Variants in RHCG observed in about 807,000 individuals in gnomAD.
The protein encoded by RHCG is Rh family C glycoprotein, also known as ammonium transporter Rh type C.
RHCG carries 39 observed loss-of-function variants against 55.3 expected under a neutral mutation model. The ratio of observed to expected loss-of-function variants is 0.70; its 90% confidence interval spans 0.55 to 0.92. The LOEUF (loss-of-function observed/expected upper bound fraction) is 0.92. Among genes scored for constraint, RHCG ranks in the 40% least tolerant of loss-of-function variants. The pLI is 0.00. For synonymous variants in RHCG, 250 were observed against 246.8 expected (o/e 1.01, Z -0.12); for missense variants, 635 against 627.9 (o/e 1.01, Z -0.12).
chr15:89,477,446 G>A lies in RHCG; in HGVS notation c.1112+71C>T, dbSNP rs1961172464. 6.3e-7 allele frequency: 1 copy of A among 1,584,122 alleles called. No homozygotes were observed. The highest frequency in any genetic ancestry group is 8.6e-7 in the Non-Finnish European group (1 of 1,162,872). On this transcript the variant is annotated intron_variant, in intron 7 of 10. Transcript: ENST00000268122. This position sits in a 1 kb window ranked among gnomAD's most constrained non-coding sequence, Gnocchi z 4.5. The stretch of plus-strand genomic sequence containing the variant: ...GAGAAAGATGCAGTCGGGTCCCAGA[G>A]GAATAGCAGGAAGAAGGGATGGGAG...
chr15:89,480,195 T>C (rs933447567), intron 4 of RHCG, 66 bp downstream of exon 4: 5 of 1,599,800 alleles, frequency 3.1e-6, no homozygotes, highest in Non-Finnish European at 4.3e-6. Context: ...CCATCATGGC[T>C]GCCTTCACCC....
At chr15:89,479,613 G>A in intron 4 of RHCG, 125 bp from the exon 5 acceptor site, 1 of 861,648 alleles carries the variant, frequency 1.2e-6, no homozygotes, top group South Asian at 1.8e-5. Flanking sequence ...TTCCACCTCT[G>A]CAGCTTTAGT....
chr15:89,486,642 G>GTGTGTGTGTGTGTGTGTGTC, intron 2 of RHCG, 157 bp downstream of exon 2: 1 of 537,738 alleles, frequency 1.9e-6, no homozygotes, highest in Non-Finnish European at 3.5e-6. Context: ...GTGTGTGTGT[G>GTGTGTGTGTGTGTGTGTGTC]TATCTGTCTC....
intron 1 of RHCG, among the ~76,000 whole-genome samples, chr15:89,490,334 CA>C (rs1961451168): frequency 6.6e-6 from 1 of 152,202 alleles, no homozygotes; most frequent in South Asian, 2.1e-4. Flanking sequence ...CACTGAAGGG[CA>C]GGGGTACAAG....
intron 2 of RHCG, chr15:89,486,562 G>C: frequency 1.9e-6 from 1 of 517,760 alleles, no homozygotes; most frequent in Non-Finnish European, 3.6e-6. Context: ...GAGAGAGAGA[G>C]ACAGAGAGAG....
chr15:89,483,263 G>A, intron 2 of RHCG, 46 bp from the exon 3 acceptor site: 1 of 1,460,526 alleles, frequency 6.8e-7, no homozygotes, highest in Admixed American at 2.0e-5. Flanking sequence ...ATAGCAAAAA[G>A]TGGCACTGGA....
chr15:89,486,583 AGAGAGAGAGAGAGAGAGTGT>A (rs1230369924), intron 2 of RHCG, 196 bp downstream of exon 2: 56 of 506,026 alleles, frequency 1.1e-4, no homozygotes, highest in African/African-American at 9.7e-4. Context: ...AGAGAGAGAG[AGAGAGAGAGAGAGAGAGTGT>A]GTGTGTGTGT....
rs1258333815 is a variant in RHCG, at chr15:89,480,423, G to A, written c.523-15C>T. On this transcript the variant is annotated splice_polypyrimidine_tract_variant and intron_variant, in intron 3 of 10. Transcript: ENST00000268122. ...GCATCCTTCACCTGGGGTGCAAGGG[G>A]CCTGTCAGACTCTGGCACCTTCTCT... The A allele has an allele frequency of 1.9e-6, 3 of 1,608,700 alleles. No individual in the cohort carries two copies. Among genetic ancestry groups the A allele is most frequent in the Admixed American group, 1.7e-5 (1 of 59,810 alleles).
At chr15:89,481,594 T>C (rs892491094) in intron 3 of RHCG, among the ~76,000 whole-genome samples, 9 of 152,158 alleles carry the variant, frequency 5.9e-5, no homozygotes, top group African/African-American at 2.2e-4. Context: ...GACAGCACAG[T>C]ATGACAAAGC....
chr15:89,489,043 G>A (rs1370434546), intron 1 of RHCG, among the ~76,000 whole-genome samples: 1 of 152,186 alleles, frequency 6.6e-6, no homozygotes, highest in East Asian at 1.9e-4. Flanking sequence ...GTGCATGTGT[G>A]TATGTGCGTG....
intron 1 of RHCG, 87 bp downstream of exon 1, chr15:89,496,274 C>CGGTG: frequency 7.2e-7 from 1 of 1,396,878 alleles, no homozygotes; most frequent in Admixed American, 1.7e-5. Context: ...TAGATCCCCT[C>CGGTG]CTCTGCCCAG....
rs149510924 is a variant in RHCG at position 89,480,341 on chromosome 15, C to T, written c.590G>A (p.Arg197Gln). Residue 197 changes from arginine (R) to glutamine (Q), a missense_variant, in exon 4 of 11, where the codon CGG becomes CAG. Physicochemically the swap from Arg to Gln is conservative, Grantham distance 43. Coordinates refer to ENST00000268122, the MANE Select transcript of RHCG (RefSeq NM_016321.3). Reference protein sequence around the residue: ...FGAYFGLTVTRILYRRNLEQS... With the variant: ...FGAYFGLTVTQILYRRNLEQS... ...CTCTAGGTTGCGTCGGTAGAGGATC[C>T]GGGTCACTGTGAGCCCAAAGTAGGC... 21 of 1,614,152 alleles carry T rather than the reference C, an allele frequency of 1.3e-5. No individual in the cohort carries two copies. The highest frequency in any genetic ancestry group is 2.2e-5 in the East Asian group (1 of 44,878).
Position 89,486,921 on chromosome 15 carries a change from G to T in RHCG, c.249C>A (p.Arg83=). The part of the protein sequence containing the change: ...GFGFLMTFLQ[R]YGFSAVGFNF... ...TGAAGCCCACGGCGCTGAAGCCGTA[G>T]CGCTGCAGGAAAGTCATGAGGAAGC... The change falls in exon 2 of 11, where the codon CGC becomes CGA. Residue 83 remains arginine (R), a synonymous_variant. Transcript: ENST00000268122. 6.2e-7 allele frequency: 1 copy of T among 1,612,748 alleles called. No individual in the cohort carries two copies. The highest frequency in any genetic ancestry group is 8.5e-7 in the Non-Finnish European group (1 of 1,178,972).
At chr15:89,487,354 G>A (rs920522175) in intron 1 of RHCG, among the ~76,000 whole-genome samples, 9 of 152,228 alleles carry the variant, frequency 5.9e-5, no homozygotes, top group African/African-American at 2.2e-4. Context: ...CTCCCTGGGT[G>A]GCTCTGCTGG....
At chr15:89,488,395 T>A (rs1420094665) in intron 1 of RHCG, among the ~76,000 whole-genome samples, 2 of 152,182 alleles carry the variant, frequency 1.3e-5, no homozygotes, top group Non-Finnish European at 2.9e-5. Flanking sequence ...GCACAGGACG[T>A]TTGCATTGTC....
rs777603151 is a variant in RHCG at position 89,486,786 on chromosome 15, G to T, written c.371+13C>A. On this transcript the variant is annotated intron_variant, in intron 2 of 10. Coordinates refer to ENST00000268122, the MANE Select transcript of RHCG (RefSeq NM_016321.3). ...CCAGTCCGCCACGCCCCCGGGGCCC[G>T]CCCTGCGCTCACTTCTCCACGCCCA... The T allele has an allele frequency of 1.6e-5, 26 of 1,576,446 alleles. No homozygotes were observed. The highest frequency in any genetic ancestry group is 1.8e-4 in the Middle Eastern group (1 of 5,666).
chr15:89,491,265 G>A (rs1209952744), intron 1 of RHCG, among the ~76,000 whole-genome samples: 1 of 152,076 alleles, frequency 6.6e-6, no homozygotes, highest in African/African-American at 2.4e-5. Context: ...TCTGGTGGGT[G>A]CCCTGTCTCT....
Position 89,477,346 on chromosome 15 carries a change from C to T in RHCG, c.1113-140G>A. 1 of 1,409,320 alleles carries T rather than the reference C, an allele frequency of 7.1e-7. No homozygotes were observed. Among genetic ancestry groups the T allele is most frequent in the Admixed American group, 1.9e-5 (1 of 51,364 alleles). The allele number at this position is 1,409,320 out of a possible 1,614,324, so 87.3% of individuals were successfully genotyped here. On this transcript the variant is annotated intron_variant, in intron 7 of 10. Transcript: ENST00000268122. The surrounding 1 kb of genome is among the most constrained non-coding windows in gnomAD (Gnocchi z 4.5). ...TGGGGACACCGGACATATCAGTTGG[C>T]CTCTAAAACTCTAAGGGACAGAGTT...
chr15:89,477,608 T>C lies in RHCG; in HGVS notation c.1021A>G (p.Asn341Asp). ...ATGCCAGGAATGCCATGCAGATTGT[T>C]AATGCCACATGTGTCCTGGATGTGC... Reference protein sequence around the residue: ...RLHIQDTCGINNLHGIPGIIG... With the variant: ...RLHIQDTCGIDNLHGIPGIIG... Residue 341 changes from asparagine (N) to aspartate (D), a missense_variant, in exon 7 of 11, where the codon AAC becomes GAC. Asn to Asp is a conservative substitution (Grantham distance 23, BLOSUM62 1). Transcript: ENST00000268122. This position sits in a 1 kb window ranked among gnomAD's most constrained non-coding sequence, Gnocchi z 4.5. 6.2e-7 allele frequency: 1 copy of C among 1,614,140 alleles called. No homozygotes were observed. The highest frequency in any genetic ancestry group is 1.6e-4 in the Middle Eastern group (1 of 6,062).
Sources: allele counts gnomAD v4.1 joint callset (sites outside exome capture counted in the v4.1 genomes callset), GRCh38; gene constraint gnomAD v4.1.1; non-coding constraint Gnocchi (gnomAD v3.1); transcripts MANE v1.5; gene names NCBI Gene and HGNC (gene_info 2026-07-23, HGNC 2026-07-21).